Variants in DOCK3 observed in about 807,000 individuals in gnomAD.
The protein encoded by DOCK3 is dedicator of cytokinesis 3, also known as dedicator of cytokinesis protein 3.
DOCK3 carries 60 observed loss-of-function variants against 265.6 expected under a neutral mutation model. The ratio of observed to expected loss-of-function variants is 0.23; its 90% CI spans 0.18 to 0.28. The LOEUF (loss-of-function observed/expected upper bound fraction) is 0.28. DOCK3 is among the 10% of genes least tolerant of loss of function. The pLI is 1.00. For synonymous variants in DOCK3, 881 were observed against 938.0 expected, an observed-to-expected ratio of 0.94 and a Z score of 1.11; for missense variants, 1,981 against 2,594.3, an observed-to-expected ratio of 0.76 and a Z score of 5.14.
intron 9 of DOCK3, among the ~76,000 whole-genome samples, chr3:51,124,309 C>T (rs757654197): frequency 5.3e-5 from 8 of 152,212 alleles, no homozygotes; most frequent in Non-Finnish European, 7.3e-5. Flanking sequence ...CTGTCCAATA[C>T]AACTGAATTG....
At chr3:50,692,383 G>C (rs1187891386) in intron 1 of DOCK3, among the ~76,000 whole-genome samples, 1 of 152,150 alleles carries the variant, frequency 6.6e-6, no homozygotes, top group Non-Finnish European at 1.5e-5. Context: ...AAGATCATCA[G>C]GTATTAGATT....
chr3:51,014,665 A>T (rs912654468), intron 5 of DOCK3, among the ~76,000 whole-genome samples: 1 of 151,922 alleles, frequency 6.6e-6, no homozygotes, highest in Non-Finnish European at 1.5e-5. Context: ...AGATGTTAGG[A>T]TTGTTTTTTC....
At chr3:51,215,429 C>A (rs1341327317) in intron 14 of DOCK3, among the ~76,000 whole-genome samples, 1 of 152,158 alleles carries the variant, frequency 6.6e-6, no homozygotes, top group Non-Finnish European at 1.5e-5. Context: ...CTGCGCCTGG[C>A]CTCAGTTGAG....
At chr3:51,321,411 T>C (rs2083718971) in intron 32 of DOCK3, among the ~76,000 whole-genome samples, 1 of 152,110 alleles carries the variant, frequency 6.6e-6, no homozygotes. Flanking sequence ...AAAACCAGAA[T>C]GCCTCTTCTC....
At chr3:50,952,275 ATTGT>A (rs1370884545) in intron 5 of DOCK3, among the ~76,000 whole-genome samples, 2 of 152,198 alleles carry the variant, frequency 1.3e-5, no homozygotes, top group Non-Finnish European at 2.9e-5. Flanking sequence ...CCTGAAAGTG[ATTGT>A]TTCAGGTGTC....
intron 5 of DOCK3, among the ~76,000 whole-genome samples, chr3:51,040,658 A>G (rs1422604645): frequency 6.6e-6 from 1 of 152,130 alleles, no homozygotes; most frequent in Non-Finnish European, 1.5e-5. Flanking sequence ...ATAGTATTTT[A>G]CCCATAAACT....
intron 5 of DOCK3, among the ~76,000 whole-genome samples, chr3:51,060,231 C>T (rs926244962): frequency 6.6e-6 from 1 of 151,896 alleles, no homozygotes; most frequent in Non-Finnish European, 1.5e-5. Context: ...ACAGCCACCA[C>T]AATGCCAAAT....
chr3:50,768,115 C>G (rs1043578018), intron 1 of DOCK3, among the ~76,000 whole-genome samples: 12 of 152,116 alleles, frequency 7.9e-5, no homozygotes, highest in Admixed American at 7.2e-4. Context: ...ATTTCTTTCT[C>G]CTGCCTGATT....
At chr3:50,970,329 T>G (rs187966441) in intron 5 of DOCK3, among the ~76,000 whole-genome samples, 242 of 152,316 alleles carry the variant, frequency 1.6e-3, no homozygotes, top group Admixed American at 3.0e-3. Flanking sequence ...TATCTGGATA[T>G]CTAAATCTCT....
intron 5 of DOCK3, among the ~76,000 whole-genome samples, chr3:51,045,398 A>C (rs139830471): frequency 6.6e-6 from 1 of 152,256 alleles, no homozygotes; most frequent in African/African-American, 2.4e-5. Context: ...TTACAATAGT[A>C]ACATCAGAGA....
At chr3:51,137,509 GAT>G (rs1213598040) in intron 9 of DOCK3, among the ~76,000 whole-genome samples, 1 of 152,196 alleles carries the variant, frequency 6.6e-6, no homozygotes, top group Non-Finnish European at 1.5e-5. Context: ...GGCATGGGCT[GAT>G]ACCTCATTGG....
At chr3:51,227,521 G>A (rs1347863178) in intron 16 of DOCK3, 76 bp downstream of exon 16, 1 of 1,566,230 alleles carries the variant, frequency 6.4e-7, no homozygotes, top group East Asian at 2.2e-5. Flanking sequence ...ACAGAATTAA[G>A]TGGATTCTTA....
chr3:51,182,524 TG>T (rs536492541), intron 12 of DOCK3, among the ~76,000 whole-genome samples: 3 of 152,236 alleles, frequency 2.0e-5, no homozygotes, highest in Non-Finnish European at 4.4e-5. Context: ...AAGAAGCCAC[TG>T]GTCTTTCTTT....
chr3:51,337,802 A>C (rs555855192), intron 35 of DOCK3, among the ~76,000 whole-genome samples: 1 of 152,180 alleles, frequency 6.6e-6, no homozygotes, highest in African/African-American at 2.4e-5. Flanking sequence ...AATGCAGCTC[A>C]GTCCTGGCTG....
intron 12 of DOCK3, among the ~76,000 whole-genome samples, chr3:51,196,828 C>G (rs2088329142): frequency 6.6e-6 from 1 of 152,118 alleles, no homozygotes; most frequent in South Asian, 2.1e-4. Flanking sequence ...TCTGTAAAAT[C>G]AAAATTTTGA....
intron 5 of DOCK3, among the ~76,000 whole-genome samples, chr3:50,956,663 G>A (rs2076738568): frequency 6.6e-6 from 1 of 152,112 alleles, no homozygotes; most frequent in African/African-American, 2.4e-5. Context: ...GAAGAGGAGT[G>A]TCATGGCCAA....
chr3:51,257,860 T>C (rs1329639253), intron 22 of DOCK3, among the ~76,000 whole-genome samples: 1 of 152,198 alleles, frequency 6.6e-6, no homozygotes, highest in Non-Finnish European at 1.5e-5. Flanking sequence ...CCCGCTCTCC[T>C]TCCCCAGTTG....
At chr3:50,900,979 A>G (rs909150775) in intron 4 of DOCK3, 37 of 414,748 alleles carry the variant, frequency 8.9e-5, no homozygotes, top group African/African-American at 1.9e-4. Context: ...GAAGCAGTCT[A>G]TCCCTTAGCA....
At chr3:51,178,808 T>G (rs1012539191) in intron 12 of DOCK3, among the ~76,000 whole-genome samples, 2 of 152,240 alleles carry the variant, frequency 1.3e-5, no homozygotes, top group Non-Finnish European at 2.9e-5. Context: ...TTTCACTTGC[T>G]TCTTGACAGA....
Sources: allele counts gnomAD v4.1 joint callset (sites outside exome capture counted in the v4.1 genomes callset), GRCh38; gene constraint gnomAD v4.1.1; transcripts MANE v1.5; gene names NCBI Gene and HGNC (gene_info 2026-07-23, HGNC 2026-07-21).